Variants in ARHGEF3 observed in about 807,000 individuals in gnomAD.
The protein encoded by ARHGEF3 is 59.8 kDA protein.
Under a neutral mutation model 63.2 loss-of-function variants are expected in ARHGEF3, and 28 were observed. That is an observed-to-expected ratio of 0.44 (90% CI 0.33 to 0.61). ARHGEF3 has a LOEUF of 0.61. ARHGEF3 is among the 20% of genes least tolerant of loss of function. The probability of loss-of-function intolerance (pLI) is 0.03; values close to 1 mark genes in which losing one functional copy is unlikely to be tolerated. For synonymous variants in ARHGEF3, 266 were observed against 254.2 expected, an observed-to-expected ratio of 1.05 and a Z score of -0.44; for missense variants, 533 against 659.3, an observed-to-expected ratio of 0.81 and a Z score of 2.10.
chr3:56,826,069 G>T (rs2038703490), intron 4 of ARHGEF3, among the ~76,000 whole-genome samples: 1 of 152,168 alleles, frequency 6.6e-6, no homozygotes, highest in African/African-American at 2.4e-5. Flanking sequence ...AGTTAGAAGG[G>T]GGTAAGCTTG....
chr3:57,012,384 G>C (rs543811006), intron 2 of ARHGEF3, among the ~76,000 whole-genome samples: 6 of 152,054 alleles, frequency 3.9e-5, no homozygotes, highest in African/African-American at 1.4e-4. Flanking sequence ...TCAGCCTCCG[G>C]AGCAGCTGGG....
chr3:56,863,405 T>C (rs961218689), intron 4 of ARHGEF3, among the ~76,000 whole-genome samples: 2 of 152,038 alleles, frequency 1.3e-5, no homozygotes, highest in African/African-American at 4.8e-5. Flanking sequence ...GTTCAAGCGA[T>C]CCTCTCACCT....
At chr3:56,739,443 C>A (rs1423849750) in intron 7 of ARHGEF3, among the ~76,000 whole-genome samples, 2 of 147,058 alleles carry the variant, frequency 1.4e-5, no homozygotes, top group Non-Finnish European at 3.0e-5. Flanking sequence ...TTCTGTTGCC[C>A]AGGCTGGAGT....
chr3:56,881,498 G>GAGAC (rs1451330549), intron 4 of ARHGEF3, among the ~76,000 whole-genome samples: 1 of 152,150 alleles, frequency 6.6e-6, no homozygotes, highest in African/African-American at 2.4e-5. Context: ...CATCAGTGGG[G>GAGAC]AGACACGGTG....
chr3:56,738,821 T>C (rs2033815515), intron 7 of ARHGEF3, among the ~76,000 whole-genome samples: 1 of 152,058 alleles, frequency 6.6e-6, no homozygotes. Context: ...CCAGGCACGG[T>C]GGCTCATGCC....
chr3:57,024,961 G>C (rs529300468), intron 2 of ARHGEF3, among the ~76,000 whole-genome samples: 1 of 152,292 alleles, frequency 6.6e-6, no homozygotes, highest in African/African-American at 2.4e-5. Flanking sequence ...TGTCACCCAC[G>C]AGGGCCTCTC....
intron 3 of ARHGEF3, chr3:56,916,331 C>T (rs1179999459): frequency 1.3e-6 from 2 of 1,535,494 alleles, no homozygotes; most frequent in Non-Finnish European, 1.7e-6. Context: ...AAAGAGGCAG[C>T]ACCACACCAT....
intron 1 of ARHGEF3, among the ~76,000 whole-genome samples, chr3:57,065,360 A>C (rs956056444): frequency 6.6e-6 from 1 of 152,084 alleles, no homozygotes; most frequent in Non-Finnish European, 1.5e-5. Context: ...ACTAAGGAGG[A>C]TGAGGCAGGA....
intron 1 of ARHGEF3, among the ~76,000 whole-genome samples, chr3:56,794,737 A>G (rs2037262767): frequency 6.6e-6 from 1 of 152,148 alleles, no homozygotes; most frequent in Non-Finnish European, 1.5e-5. Context: ...ACTTTAAATC[A>G]TTTGTAGATT....
chr3:57,070,588 C>CAGGTCTCTTTTTG (rs1705830930), intron 1 of ARHGEF3, among the ~76,000 whole-genome samples: 1 of 152,106 alleles, frequency 6.6e-6, no homozygotes, highest in South Asian at 2.1e-4. Flanking sequence ...GTCAAAATCT[C>CAGGTCTCTTTTTG]AGGTCTCTTT....
chr3:57,029,153 G>A (rs561985611), intron 2 of ARHGEF3, among the ~76,000 whole-genome samples: 14 of 152,210 alleles, frequency 9.2e-5, no homozygotes, highest in South Asian at 2.1e-4. Flanking sequence ...TACTTGGGCC[G>A]GGCGTGGTGG....
intron 2 of ARHGEF3, among the ~76,000 whole-genome samples, chr3:56,764,236 G>A (rs1038380196): frequency 6.6e-6 from 1 of 152,184 alleles, no homozygotes; most frequent in Non-Finnish European, 1.5e-5. Flanking sequence ...CATAGTGCAA[G>A]TCCAAAATTA....
intron 2 of ARHGEF3, among the ~76,000 whole-genome samples, chr3:56,757,906 A>T (rs62252665): frequency 1 from 151,416 of 151,416 alleles, 75,708 homozygotes; most frequent in Non-Finnish European, 1. Context: ...GTATTTTTAG[A>T]AAAGACGGGG....
intron 4 of ARHGEF3, among the ~76,000 whole-genome samples, chr3:56,862,377 T>C (rs1158422343): frequency 6.6e-6 from 1 of 152,242 alleles, no homozygotes; most frequent in South Asian, 2.1e-4. Flanking sequence ...ACTCTTTCCC[T>C]GAATCCCTGC....
intron 4 of ARHGEF3, among the ~76,000 whole-genome samples, chr3:56,832,605 T>C (rs1460371027): frequency 6.6e-6 from 1 of 152,240 alleles, no homozygotes; most frequent in African/African-American, 2.4e-5. Context: ...GAAAATTTTC[T>C]ATTGAGATAA....
At chr3:56,920,483 A>G (rs185620532) in intron 3 of ARHGEF3, among the ~76,000 whole-genome samples, 3 of 152,328 alleles carry the variant, frequency 2.0e-5, no homozygotes, top group Admixed American at 2.0e-4. Context: ...TAAGGAACAT[A>G]CTCGTCAGGG....
intron 3 of ARHGEF3, among the ~76,000 whole-genome samples, chr3:56,916,045 C>T (rs1044361304): frequency 2.6e-5 from 4 of 152,172 alleles, no homozygotes; most frequent in African/African-American, 4.8e-5. Flanking sequence ...CAGCTATGCA[C>T]GCCACTCAGC....
chr3:56,747,809 G>C (rs1255715431), intron 6 of ARHGEF3, among the ~76,000 whole-genome samples: 1 of 152,170 alleles, frequency 6.6e-6, no homozygotes, highest in African/African-American at 2.4e-5. Flanking sequence ...TGGCGACAGA[G>C]AGAGACTGTC....
At chr3:56,956,119 T>C (rs1700031385) in intron 3 of ARHGEF3, among the ~76,000 whole-genome samples, 1 of 152,182 alleles carries the variant, frequency 6.6e-6, no homozygotes, top group Non-Finnish European at 1.5e-5. Flanking sequence ...TGGGAAAATC[T>C]TGTGAGCTAG....
Sources: allele counts gnomAD v4.1 joint callset (sites outside exome capture counted in the v4.1 genomes callset), GRCh38; gene constraint gnomAD v4.1.1; transcripts MANE v1.5; gene names NCBI Gene and HGNC (gene_info 2026-07-23, HGNC 2026-07-21).